GABRB2: variants seen among roughly 807,000 people sequenced by gnomAD.
GABRB2 encodes the protein gamma-aminobutyric acid type A receptor subunit beta2.
GABRB2 carries 16 observed loss-of-function variants against 54.7 expected under a neutral mutation model. That is an observed-to-expected ratio of 0.29 (90% CI 0.20 to 0.44). GABRB2 has a LOEUF of 0.44. Ranked by LOEUF, GABRB2 falls within the 20% of genes least tolerant of loss-of-function variation. GABRB2 has a pLI of 1.00. For missense variants in GABRB2, 355 were observed against 644.0 expected, an observed-to-expected ratio of 0.55 and a Z score of 4.86; for synonymous variants, 244 against 233.8, an observed-to-expected ratio of 1.04 and a Z score of -0.40.
intron 5 of GABRB2, among the ~76,000 whole-genome samples, chr5:161,344,287 C>A (rs1488351143): frequency 2.0e-5 from 3 of 152,050 alleles, no homozygotes; most frequent in Non-Finnish European, 4.4e-5. Context: ...CTATAACCTA[C>A]AATCACCAAT....
intron 3 of GABRB2, among the ~76,000 whole-genome samples, chr5:161,468,753 C>T (rs1447123284): frequency 6.6e-6 from 1 of 151,748 alleles, no homozygotes; most frequent in Non-Finnish European, 1.5e-5. Context: ...AAAAACCCCC[C>T]AAATTATTAA....
intron 3 of GABRB2, among the ~76,000 whole-genome samples, chr5:161,491,284 A>C (rs1420030986): frequency 6.6e-6 from 1 of 151,712 alleles, no homozygotes; most frequent in African/African-American, 2.4e-5. Context: ...AGGAGTTGGA[A>C]TACCAAAGTT....
chr5:161,404,682 AAAC>A (rs1756295090), intron 5 of GABRB2, among the ~76,000 whole-genome samples: 1 of 152,172 alleles, frequency 6.6e-6, no homozygotes, highest in Non-Finnish European at 1.5e-5. Context: ...ATTGCTAGCT[AAAC>A]AACAACAGAC....
intron 5 of GABRB2, among the ~76,000 whole-genome samples, chr5:161,409,036 C>A (rs1756428877): frequency 6.6e-6 from 1 of 152,042 alleles, no homozygotes; most frequent in African/African-American, 2.4e-5. Context: ...TTCTCTGTAG[C>A]AATGATTTGT....
chr5:161,546,294 G>C (rs1442577945), intron 2 of GABRB2, 28 bp downstream of exon 2: 3 of 1,581,422 alleles, frequency 1.9e-6, no homozygotes, highest in Non-Finnish European at 2.6e-6. Context: ...GGCTGTGGCT[G>C]GACTTATTTG....
At chr5:161,479,180 T>TC (rs1345638843) in intron 3 of GABRB2, among the ~76,000 whole-genome samples, 1 of 152,038 alleles carries the variant, frequency 6.6e-6, no homozygotes, top group African/African-American at 2.4e-5. Flanking sequence ...GACAATGTTT[T>TC]TTAAAAAATT....
At chr5:161,304,685 GTT>G (rs11296794) in intron 9 of GABRB2, among the ~76,000 whole-genome samples, 6 of 148,230 alleles carry the variant, frequency 4.0e-5, no homozygotes, top group South Asian at 2.1e-4. Flanking sequence ...TCACTGATTT[GTT>G]TTTTTTTTTA....
intron 4 of GABRB2, among the ~76,000 whole-genome samples, chr5:161,418,792 GA>G (rs962152305): frequency 6.6e-6 from 1 of 151,748 alleles, no homozygotes; most frequent in African/African-American, 2.4e-5. Flanking sequence ...AATGGAACAA[GA>G]AAAAAAATAA....
chr5:161,533,541 T>G (rs1273410576), intron 3 of GABRB2, among the ~76,000 whole-genome samples: 1 of 152,158 alleles, frequency 6.6e-6, no homozygotes, highest in African/African-American at 2.4e-5. Context: ...GCTATTTAAA[T>G]TCAGTTATTT....
intron 5 of GABRB2, among the ~76,000 whole-genome samples, chr5:161,350,106 A>G (rs954411408): frequency 3.9e-5 from 6 of 152,124 alleles, no homozygotes; most frequent in Admixed American, 3.3e-4. Flanking sequence ...CTAACATTCT[A>G]CTTAATGGAG....
chr5:161,389,349 A>C (rs188388176), intron 5 of GABRB2, among the ~76,000 whole-genome samples: 5 of 152,110 alleles, frequency 3.3e-5, no homozygotes, highest in Admixed American at 2.0e-4. Context: ...TATTCCCCAA[A>C]TTATTTCTTC....
At chr5:161,521,489 G>A (rs558115923) in intron 3 of GABRB2, among the ~76,000 whole-genome samples, 1 of 151,828 alleles carries the variant, frequency 6.6e-6, no homozygotes, top group Non-Finnish European at 1.5e-5. Flanking sequence ...CAGTAGGAAA[G>A]GAAGTAATGA....
intron 3 of GABRB2, among the ~76,000 whole-genome samples, chr5:161,522,143 C>G (rs1760134503): frequency 6.6e-6 from 1 of 151,752 alleles, no homozygotes; most frequent in Non-Finnish European, 1.5e-5. Flanking sequence ...GGATCTTTGT[C>G]ATTTGAAGAT....
chr5:161,438,878 G>T (rs1408192371), intron 4 of GABRB2, among the ~76,000 whole-genome samples: 1 of 152,000 alleles, frequency 6.6e-6, no homozygotes, highest in East Asian at 1.9e-4. Flanking sequence ...AAAAAGAACG[G>T]AACACACTGA....
intron 3 of GABRB2, among the ~76,000 whole-genome samples, chr5:161,481,490 G>A (rs1359705376): frequency 6.6e-6 from 1 of 151,988 alleles, no homozygotes; most frequent in Admixed American, 6.6e-5. Flanking sequence ...CCAAAGTGAA[G>A]CTGTAAATGA....
intron 5 of GABRB2, among the ~76,000 whole-genome samples, chr5:161,370,520 C>G (rs1755100418): frequency 6.6e-6 from 1 of 152,150 alleles, no homozygotes; most frequent in African/African-American, 2.4e-5. Flanking sequence ...GTAGATCTGT[C>G]ATTTCACCTA....
At chr5:161,497,396 G>A (rs1759284017) in intron 3 of GABRB2, among the ~76,000 whole-genome samples, 1 of 152,086 alleles carries the variant, frequency 6.6e-6, no homozygotes, top group Non-Finnish European at 1.5e-5. Context: ...CCTATGGCAT[G>A]AGGATTGCTA....
At chr5:161,463,107 G>A (rs996215112) in intron 3 of GABRB2, among the ~76,000 whole-genome samples, 10 of 151,316 alleles carry the variant, frequency 6.6e-5, no homozygotes, top group African/African-American at 2.4e-4. Context: ...TACCAAACAA[G>A]ATAAAGTAAA....
At chr5:161,467,427 G>A (rs928507535) in intron 3 of GABRB2, among the ~76,000 whole-genome samples, 2 of 152,060 alleles carry the variant, frequency 1.3e-5, no homozygotes, top group East Asian at 1.9e-4. Context: ...CAAGGCTAAT[G>A]TTTTTAAGGT....
Sources: gnomAD v4.1 joint callset for allele counts (sites outside exome capture counted in the v4.1 genomes callset) on GRCh38, gnomAD v4.1.1 for gene constraint, MANE v1.5 for transcripts, NCBI Gene and HGNC (gene_info 2026-07-23, HGNC 2026-07-21) for gene names.